PHC2: variants seen among roughly 807,000 people sequenced by gnomAD.
PHC2 encodes the protein polyhomeotic homolog 2, also known as polyhomeotic-like protein 2.
PHC2 carries 29 observed loss-of-function variants against 87.4 expected under a neutral mutation model. The observed-to-expected ratio is 0.33, with a 90% CI of 0.25 to 0.45. The LOEUF is 0.45. Ranked by LOEUF, PHC2 falls within the 20% of genes least tolerant of loss-of-function variation. The probability of loss-of-function intolerance (pLI) is 1.00; values close to 1 mark genes in which losing one functional copy is unlikely to be tolerated. For synonymous variants in PHC2, 438 were observed against 461.7 expected, an observed-to-expected ratio of 0.95 and a Z score of 0.66; for missense variants, 857 against 1,136.7, an observed-to-expected ratio of 0.75 and a Z score of 3.54.
intron 1 of PHC2, among the ~76,000 whole-genome samples, chr1:33,401,274 C>T (rs903229047): frequency 3.3e-5 from 5 of 151,830 alleles, no homozygotes; most frequent in African/African-American, 1.2e-4. Flanking sequence ...TGCAGTGAGC[C>T]GAGATTGCAC....
chr1:33,335,995 TG>T (rs200075418), intron 9 of PHC2, among the ~76,000 whole-genome samples: 7 of 107,986 alleles, frequency 6.5e-5, no homozygotes, highest in East Asian at 2.6e-4. Context: ...TTGTTGTTGT[TG>T]TTTTTTTTTT....
intron 6 of PHC2, 100 bp from the exon 7 acceptor site, chr1:33,367,528 A>G (rs955998208): frequency 1.1e-6 from 1 of 928,264 alleles, no homozygotes. Flanking sequence ...ATGGCTGAAT[A>G]GAACAGGAGG....
At chr1:33,346,240 G>GT in intron 9 of PHC2, 1 of 928,714 alleles carries the variant, frequency 1.1e-6, no homozygotes, top group Non-Finnish European at 1.3e-6. Flanking sequence ...GGGAGGTGGG[G>GT]AGGGTGGGCA....
chr1:33,402,705 CAGTAT>C (rs1649588926), intron 1 of PHC2, among the ~76,000 whole-genome samples: 1 of 152,088 alleles, frequency 6.6e-6, no homozygotes. Context: ...AGAATGAATA[CAGTAT>C]AATTCCATTT....
Position 33,332,507 on chromosome 1 carries a change from G to T in PHC2, c.1762-103C>A. 1 of 1,370,870 alleles carries T rather than the reference G, an allele frequency of 7.3e-7. No individual in the cohort carries two copies. The highest frequency in any genetic ancestry group is 1.0e-6 in the Non-Finnish European group (1 of 977,632). 84.9% of individuals were successfully genotyped at this position (1,370,870 alleles called of 1,614,324 possible). A position where few individuals can be genotyped will look rare whatever the true frequency, so the allele number is the denominator to read the frequency against. On this transcript the variant is annotated intron_variant, in intron 10 of 14. Transcript: ENST00000683057. The surrounding 1 kb of genome is among the most constrained non-coding windows in gnomAD (Gnocchi z 4.2). ...ACGTATAAAGTATCCAGGCACAGAGGCCAGCCCTCCTCAAACCTTCCCCCA... is the reference window on the plus strand; with the variant it reads ...ACGTATAAAGTATCCAGGCACAGAGTCCAGCCCTCCTCAAACCTTCCCCCA...
chr1:33,346,754 G>A (rs1432822699), intron 9 of PHC2: 1 of 985,216 alleles, frequency 1.0e-6, no homozygotes. Context: ...CCTGGCCTGA[G>A]GTCCACAGCC....
At chr1:33,330,964 T>C (rs1646481401) in intron 12 of PHC2, among the ~76,000 whole-genome samples, 1 of 152,194 alleles carries the variant, frequency 6.6e-6, no homozygotes, top group South Asian at 2.1e-4. Flanking sequence ...CAGTGGTTTT[T>C]ATGATGACCA....
intron 1 of PHC2, among the ~76,000 whole-genome samples, chr1:33,420,598 C>T (rs141360950): frequency 1.5e-4 from 23 of 152,158 alleles, no homozygotes; most frequent in African/African-American, 3.6e-4. Context: ...GATTTGAACT[C>T]GGACAAGTTA....
chr1:33,397,251 G>T (rs977195686), intron 1 of PHC2, among the ~76,000 whole-genome samples: 17 of 152,292 alleles, frequency 1.1e-4, no homozygotes, highest in African/African-American at 4.1e-4. Context: ...AGAGGGAGCT[G>T]CTCAGCTCTG....
intron 14 of PHC2, among the ~76,000 whole-genome samples, chr1:33,327,088 C>G (rs1646387703): frequency 6.6e-6 from 1 of 152,192 alleles, no homozygotes; most frequent in Admixed American, 6.5e-5. Flanking sequence ...AGACAGAAAT[C>G]ACTCCCAGGC....
At chr1:33,337,871 T>C (rs567510213) in intron 9 of PHC2, among the ~76,000 whole-genome samples, 3 of 152,250 alleles carry the variant, frequency 2.0e-5, no homozygotes, top group Non-Finnish European at 4.4e-5. Context: ...GTAAGATTTT[T>C]GGTTTTCTGT....
chr1:33,414,191 A>T (rs1432065761), intron 1 of PHC2, among the ~76,000 whole-genome samples: 1 of 151,450 alleles, frequency 6.6e-6, no homozygotes, highest in South Asian at 2.1e-4. Context: ...ACACACACAC[A>T]CACACACACA....
rs1280774668 is a variant in PHC2 at position 33,344,450 on chromosome 1, T to TC, written c.1558+9950dup. On this transcript the variant is annotated intron_variant, in intron 9 of 14. Coordinates refer to ENST00000683057, the MANE Select transcript of PHC2 (RefSeq NM_001385109.1). ...CATACTACATACCTTGCAAATCAGT[T>TC]CTATTGATCATTTCTGCTCATGGAA... 2.9e-4 allele frequency among the ~76,000 whole-genome samples: 44 copies of TC among 152,198 alleles called. 1 individual carries two copies. Among genetic ancestry groups the TC allele is most frequent in the Admixed American group, 2.8e-3 (43 of 15,286 alleles).
chr1:33,412,613 C>A (rs554069721), intron 1 of PHC2, among the ~76,000 whole-genome samples: 19 of 152,302 alleles, frequency 1.2e-4, no homozygotes, highest in Admixed American at 2.0e-4. Context: ...ACATTTCACA[C>A]TGAAAAAACC....
intron 1 of PHC2, among the ~76,000 whole-genome samples, chr1:33,402,083 A>G (rs773989051): frequency 6.6e-6 from 1 of 152,200 alleles, no homozygotes; most frequent in Non-Finnish European, 1.5e-5. Context: ...AATTTGCATC[A>G]AAAATATTTT....
intron 1 of PHC2, among the ~76,000 whole-genome samples, chr1:33,408,298 A>G (rs1649844229): frequency 6.6e-6 from 1 of 152,212 alleles, no homozygotes; most frequent in African/African-American, 2.4e-5. Context: ...TCATCAACCA[A>G]TAAGAAAATA....
chr1:33,418,035 A>G (rs1650279171), intron 1 of PHC2, among the ~76,000 whole-genome samples: 1 of 152,168 alleles, frequency 6.6e-6, no homozygotes, highest in African/African-American at 2.4e-5. Flanking sequence ...ACCTAGTGAA[A>G]ACAAAAACAT....
intron 1 of PHC2, among the ~76,000 whole-genome samples, chr1:33,412,149 A>G (rs1650009334): frequency 6.6e-6 from 1 of 152,208 alleles, no homozygotes; most frequent in African/African-American, 2.4e-5. Flanking sequence ...GTAAAACTGT[A>G]TTTGCAAACA....
chr1:33,366,613 G>A (rs754563219), intron 7 of PHC2, among the ~76,000 whole-genome samples: 9 of 152,192 alleles, frequency 5.9e-5, no homozygotes, highest in Non-Finnish European at 1.3e-4. Flanking sequence ...TGGAGGGCAG[G>A]ACCTGAGTCT....
Sources: gnomAD v4.1 joint callset for allele counts (sites outside exome capture counted in the v4.1 genomes callset) on GRCh38, gnomAD v4.1.1 for gene constraint, Gnocchi (gnomAD v3.1) non-coding constraint, MANE v1.5 for transcripts, NCBI Gene and HGNC (gene_info 2026-07-23, HGNC 2026-07-21) for gene names.